The following CHD2 variants were observed in gnomAD, a reference collection of about 807,000 sequenced individuals.
CHD2 encodes the protein ATP-dependent chromatin remodeler CHD2.
CHD2 carries 28 observed loss-of-function variants against 243.9 expected under a neutral mutation model. The observed-to-expected ratio is 0.11, with a 90% CI of 0.09 to 0.16. The LOEUF (loss-of-function observed/expected upper bound fraction) is 0.16, where lower values mean the gene tolerates loss of function less well. Among genes scored for constraint, CHD2 ranks in the 10% least tolerant of loss-of-function variants. The pLI, the probability that CHD2 is intolerant of heterozygous loss-of-function variation, is 1.00. For missense variants in CHD2, 1,386 were observed against 2,209.8 expected (o/e 0.63, Z 7.47); for synonymous variants, 775 against 779.0 (o/e 0.99, Z 0.09).
At chr15:92,931,863 C>CTTTTTTTT (rs34215273) in intron 5 of CHD2, among the ~76,000 whole-genome samples, 1 of 134,490 alleles carries the variant, frequency 7.4e-6, no homozygotes. Context: ...TGCTGACGTA[C>CTTTTTTTT]TTTTTTTTTT....
At chr15:92,978,120 C>CAT (rs751607359) in intron 20 of CHD2, 114 bp from the exon 21 acceptor site, 1 of 1,206,454 alleles carries the variant, frequency 8.3e-7, no homozygotes, top group South Asian at 1.2e-5. Context: ...GTTTGTCCAT[C>CAT]ATATCTCACT....
chr15:92,967,593 C>A, intron 17 of CHD2, 80 bp downstream of exon 17: 43 of 813,210 alleles, frequency 5.3e-5, no homozygotes, highest in Non-Finnish European at 6.3e-5. Flanking sequence ...TATATATATA[C>A]TTTTGTTTTT....
At position 93,024,855 on chromosome 15, in the gene CHD2, T is replaced by A; in HGVS notation, c.*150T>A. 4.4e-6 allele frequency: 3 copies of A among 682,534 alleles called. No individual in the cohort carries two copies. Among genetic ancestry groups the A allele is most frequent in the Non-Finnish European group, 2.4e-6 (1 of 413,718 alleles). 42.3% of individuals were successfully genotyped at this position (682,534 alleles called of 1,614,324 possible). A position where few individuals can be genotyped will look rare whatever the true frequency, so the allele number is the denominator to read the frequency against. ...CTGGCTGAAGGAGCACTTCAAGGAATGGGAGGCCTTTCACTGGGTCCAGCT... is the reference window on the plus strand; with the variant it reads ...CTGGCTGAAGGAGCACTTCAAGGAAAGGGAGGCCTTTCACTGGGTCCAGCT... On this transcript the variant is annotated 3_prime_UTR_variant, in exon 39 of 39. Coordinates refer to ENST00000394196, the MANE Select transcript of CHD2 (RefSeq NM_001271.4).
At chr15:92,999,083 CAAAAAAAAAAAAAAAAAAAAA>C (rs55738843) in intron 31 of CHD2, among the ~76,000 whole-genome samples, 2 of 65,542 alleles carry the variant, frequency 3.1e-5, no homozygotes, top group South Asian at 7.0e-4. Flanking sequence ...GACTCCGTCT[CAAAAAAAAAAAAAAAAAAAAA>C]AAAAAAAAAA....
At chr15:92,990,563 G>T (rs997763368) in intron 26 of CHD2, among the ~76,000 whole-genome samples, 1 of 152,192 alleles carries the variant, frequency 6.6e-6, no homozygotes, top group Non-Finnish European at 1.5e-5. Context: ...GAGAAATGCA[G>T]TTAAGGAGTA....
intron 15 of CHD2, among the ~76,000 whole-genome samples, chr15:92,955,861 A>G (rs2053611738): frequency 6.6e-6 from 1 of 152,234 alleles, no homozygotes; most frequent in Non-Finnish European, 1.5e-5. Context: ...ATTGTCAGTC[A>G]TTGGATGCCA....
At position 93,009,505 on chromosome 15, in the gene CHD2, C is replaced by G. The variant is rs2054364043; in HGVS notation, c.4592+182C>G. The G allele has an allele frequency of 5.2e-6, 3 of 578,254 alleles. No homozygotes were observed. In the East Asian group the frequency reaches 8.4e-5, roughly 16 times the overall value. The allele number at this position is 578,254 out of a possible 1,614,324, so 35.8% of individuals were successfully genotyped here. On this transcript the variant is annotated intron_variant, in intron 35 of 38. Coordinates refer to ENST00000394196, the MANE Select transcript of CHD2 (RefSeq NM_001271.4). ...CATGAAATAGGCCATTCCACTGAGA[C>G]CAGCCTTTTGAAGGGGTAGGACGAT...
chr15:92,966,937 T>C (rs1210126888), intron 16 of CHD2, among the ~76,000 whole-genome samples: 1 of 152,012 alleles, frequency 6.6e-6, no homozygotes, highest in African/African-American at 2.4e-5. Flanking sequence ...AATGACTATT[T>C]ATGAGTTCAG....
At chr15:92,929,372 A>G (rs764025066) in intron 5 of CHD2, among the ~76,000 whole-genome samples, 2 of 152,152 alleles carry the variant, frequency 1.3e-5, no homozygotes, top group Non-Finnish European at 2.9e-5. Flanking sequence ...CAATTAGCCC[A>G]TTGATTTTTT....
Position 92,901,401 on chromosome 15 carries a change from T to C in CHD2, c.62+102T>C, listed in dbSNP as rs1027991182. The C allele has an allele frequency of 1.8e-5, 13 of 739,026 alleles. No homozygotes were observed. In the Admixed American group the frequency reaches 2.9e-4, roughly 17 times the overall value. The allele number at this position is 739,026 out of a possible 1,614,324, so 45.8% of individuals were successfully genotyped here. A position where few individuals can be genotyped will look rare whatever the true frequency, so the allele number is the denominator to read the frequency against. ...CAGACATGGATTGCTGTCTGTTTTA[T>C]TGTGTTTTTCTAATTTGGATTCGTT... is the stretch of plus-strand genomic sequence containing the variant. On this transcript the variant is annotated intron_variant, in intron 2 of 38. Coordinates refer to ENST00000394196, the MANE Select transcript of CHD2 (RefSeq NM_001271.4).
intron 37 of CHD2, among the ~76,000 whole-genome samples, chr15:93,016,342 A>G (rs537623243): frequency 6.6e-6 from 1 of 152,312 alleles, no homozygotes; most frequent in African/African-American, 2.4e-5. Flanking sequence ...AGTAGTTACC[A>G]GGGTCGGAGG....
intron 5 of CHD2, among the ~76,000 whole-genome samples, chr15:92,931,496 C>G (rs2053165867): frequency 6.6e-6 from 1 of 152,086 alleles, no homozygotes; most frequent in African/African-American, 2.4e-5. Context: ...CCTCCTACCT[C>G]AGCCTCCCAA....
At chr15:92,954,957 GC>G (rs773797997) in intron 14 of CHD2, among the ~76,000 whole-genome samples, 1 of 152,164 alleles carries the variant, frequency 6.6e-6, no homozygotes, top group Non-Finnish European at 1.5e-5. Flanking sequence ...CATCTTACAA[GC>G]CTCCCTTTTT....
Position 92,991,530 on chromosome 15 carries a change from T to C in CHD2, c.3455+13T>C. On this transcript the variant is annotated intron_variant, in intron 27 of 38. Coordinates refer to ENST00000394196, the MANE Select transcript of CHD2 (RefSeq NM_001271.4). ...TCCCTCTTGAACGGTAAGTTCAGTG[T>C]AATAGTCCCTTATCTTCCTCTTTTT... 1.9e-6 allele frequency: 3 copies of C among 1,586,918 alleles called. No homozygotes were observed. Among genetic ancestry groups the C allele is most frequent in the Non-Finnish European group, 1.7e-6 (2 of 1,164,276 alleles).
At chr15:92,931,594 C>G (rs1439414531) in intron 5 of CHD2, among the ~76,000 whole-genome samples, 4 of 152,014 alleles carry the variant, frequency 2.6e-5, no homozygotes, top group Non-Finnish European at 4.4e-5. Flanking sequence ...TGGCTGTTCT[C>G]AAACTCCTGG....
chr15:92,974,938 A>G lies in CHD2; in HGVS notation c.2565A>G (p.Ala855=), dbSNP rs892314237. The G allele has an allele frequency of 1.9e-6, 3 of 1,613,594 alleles. No individual in the cohort carries two copies. The African/African-American group carries it at 4.0e-5, about 22-fold the overall frequency. Residue 855 remains alanine (A), a synonymous_variant, in exon 20 of 39, where the codon GCA becomes GCG. Transcript: ENST00000394196. ...IRKQALDHFN[A]DGSEDFCFLL... The stretch of plus-strand genomic sequence containing the variant: ...AACAGGCACTGGACCACTTCAATGC[A>G]GATGGGTCTGAGGTATACTATGCAT...
intron 33 of CHD2, among the ~76,000 whole-genome samples, chr15:93,003,577 C>CTTT (rs777417349): frequency 7.8e-6 from 1 of 128,386 alleles, no homozygotes; most frequent in Non-Finnish European, 1.7e-5. Flanking sequence ...CTTTAAGTGG[C>CTTT]TTTTTTTTTT....
intron 2 of CHD2, among the ~76,000 whole-genome samples, chr15:92,910,564 C>T (rs930887522): frequency 6.6e-6 from 1 of 152,066 alleles, no homozygotes; most frequent in African/African-American, 2.4e-5. Flanking sequence ...CCAGCTACTT[C>T]TTACTATTTT....
At chr15:92,917,258 T>C (rs1215479267) in intron 2 of CHD2, among the ~76,000 whole-genome samples, 2 of 152,170 alleles carry the variant, frequency 1.3e-5, no homozygotes, top group Non-Finnish European at 1.5e-5. Flanking sequence ...CCAGTATTCT[T>C]TACCAATAAG....
Sources: allele counts gnomAD v4.1 joint callset (sites outside exome capture counted in the v4.1 genomes callset), GRCh38; gene constraint gnomAD v4.1.1; transcripts MANE v1.5; gene names NCBI Gene and HGNC (gene_info 2026-07-23, HGNC 2026-07-21).